ADGRD1: variants seen among roughly 807,000 people sequenced by gnomAD.
The protein encoded by ADGRD1 is adhesion G protein-coupled receptor D1, also known as G-protein coupled receptor 133.
Under a neutral mutation model 113.4 loss-of-function variants are expected in ADGRD1, and 77 were observed. The ratio of observed to expected loss-of-function variants is 0.68; its 90% confidence interval spans 0.57 to 0.82. The LOEUF (loss-of-function observed/expected upper bound fraction) is 0.82. Among genes scored for constraint, ADGRD1 ranks in the 40% least tolerant of loss-of-function variants. The probability of loss-of-function intolerance (pLI) is 0.00; values close to 1 mark genes in which losing one functional copy is unlikely to be tolerated. For synonymous variants in ADGRD1, 474 were observed against 475.0 expected (o/e 1.00, Z 0.03); for missense variants, 1,036 against 1,139.1 (o/e 0.91, Z 1.30).
chr12:131,136,809 T>G (rs551049167), intron 22 of ADGRD1, among the ~76,000 whole-genome samples, 164 bp from the exon 23 acceptor site: 2 of 152,322 alleles, frequency 1.3e-5, no homozygotes, highest in African/African-American at 4.8e-5. Flanking sequence ...TGGATCATGG[T>G]GGGACCCAGG....
chr12:131,137,794 C>T, intron 23 of ADGRD1: 1 of 311,780 alleles, frequency 3.2e-6, no homozygotes, highest in South Asian at 3.1e-5. Context: ...GGCAGGAAGG[C>T]AGTGCAGCCA....
intron 8 of ADGRD1, 101 bp downstream of exon 8, chr12:130,992,493 G>A: frequency 1.9e-6 from 2 of 1,064,524 alleles, no homozygotes; most frequent in South Asian, 3.1e-5. Context: ...AAAAAAGCAG[G>A]AACTTTTACT....
At chr12:131,137,307 C>G (rs1431189082) in intron 23 of ADGRD1, among the ~76,000 whole-genome samples, 1 of 152,232 alleles carries the variant, frequency 6.6e-6, no homozygotes, top group African/African-American at 2.4e-5. Context: ...CCTCGAGGGC[C>G]TTGGGGAAGC....
At chr12:131,078,444 G>A (rs755835863) in intron 14 of ADGRD1, among the ~76,000 whole-genome samples, 1 of 152,222 alleles carries the variant, frequency 6.6e-6, no homozygotes, top group Non-Finnish European at 1.5e-5. Context: ...TCAGCAGGTT[G>A]CAGCTCTTTT....
chr12:131,058,426 G>A (rs1019958509), intron 13 of ADGRD1, among the ~76,000 whole-genome samples: 5 of 152,188 alleles, frequency 3.3e-5, no homozygotes, highest in Non-Finnish European at 5.9e-5. Context: ...AGGTACCACC[G>A]TACACATTTG....
chr12:130,976,723 A>C (rs1872358667), intron 4 of ADGRD1: 1 of 152,034 alleles, frequency 6.6e-6, no homozygotes, highest in Non-Finnish European at 1.5e-5. Context: ...TTTCTTTTAA[A>C]ATTAACATTC....
intron 13 of ADGRD1, among the ~76,000 whole-genome samples, chr12:131,049,197 C>T (rs1241510765): frequency 6.6e-6 from 1 of 152,242 alleles, no homozygotes; most frequent in African/African-American, 2.4e-5. Context: ...AGCTTCCTGC[C>T]TTATCAGGCG....
At chr12:131,115,729 C>T (rs1250540742) in intron 18 of ADGRD1, among the ~76,000 whole-genome samples, 3 of 152,144 alleles carry the variant, frequency 2.0e-5, no homozygotes, top group African/African-American at 7.2e-5. Flanking sequence ...TCCAGGTCTG[C>T]CCAGGTTACC....
chr12:131,127,658 T>G (rs28970755), intron 20 of ADGRD1, among the ~76,000 whole-genome samples: 22,413 of 106,750 alleles, frequency 0.21, 2,789 homozygotes, highest in Middle Eastern at 0.31. Flanking sequence ...GGTTGGTTGT[T>G]ATGGGACTCT....
chr12:131,034,019 G>A (rs147646914), intron 13 of ADGRD1, among the ~76,000 whole-genome samples: 5 of 152,176 alleles, frequency 3.3e-5, no homozygotes, highest in African/African-American at 1.2e-4. Context: ...CTTGCCCCTG[G>A]TTTCACTGTC....
chr12:131,101,471 T>G (rs1444300946), intron 15 of ADGRD1, among the ~76,000 whole-genome samples: 1 of 133,484 alleles, frequency 7.5e-6, no homozygotes, highest in Admixed American at 8.2e-5. Context: ...CACTGCAACC[T>G]TCACCTCCCG....
At chr12:131,088,354 T>C (rs927089116) in intron 15 of ADGRD1, among the ~76,000 whole-genome samples, 2 of 152,176 alleles carry the variant, frequency 1.3e-5, no homozygotes, top group East Asian at 3.9e-4. Context: ...AGCAAGTCAG[T>C]GCACGCCACG....
At chr12:131,082,108 A>C (rs778334334) in intron 14 of ADGRD1, among the ~76,000 whole-genome samples, 2 of 152,166 alleles carry the variant, frequency 1.3e-5, no homozygotes, top group Non-Finnish European at 2.9e-5. Context: ...TTATATTTAT[A>C]ATCATAGGAA....
chr12:131,129,398 C>T (rs1403524908), intron 20 of ADGRD1, among the ~76,000 whole-genome samples: 1 of 135,278 alleles, frequency 7.4e-6, no homozygotes, highest in Non-Finnish European at 1.6e-5. Flanking sequence ...GACAGGCCCG[C>T]CCTGCTGTCT....
rs202001044 is a variant in ADGRD1 at position 130,966,557 on chromosome 12, G to A, written c.187+11G>A. The A allele has an allele frequency of 3.2e-5, 51 of 1,570,852 alleles. No homozygotes were observed. In the East Asian group the frequency reaches 6.7e-4, roughly 21 times the overall value. ...AGGATACAACTGGAGGTAGAGACGC[G>A]GGTGCTGAGAGCGGCTGTGGGCGCG... On this transcript the variant is annotated intron_variant, in intron 3 of 24. Coordinates refer to ENST00000261654, the MANE Select transcript of ADGRD1 (RefSeq NM_198827.5). The surrounding 1 kb of genome is among the most constrained non-coding windows in gnomAD (Gnocchi z 4.6).
At chr12:131,051,641 G>A (rs1375564423) in intron 13 of ADGRD1, among the ~76,000 whole-genome samples, 6 of 151,994 alleles carry the variant, frequency 3.9e-5, no homozygotes, top group Admixed American at 2.0e-4. Flanking sequence ...CCGCCACCAC[G>A]CCAGGCGAAT....
chr12:131,014,301 G>T lies in ADGRD1; in HGVS notation c.1434G>T (p.Ser478=). ...CACCCACCCTGTCTCAGAACCTGTC[G>T]GGCTCTCCACTCATTACGGTCCACC... ...SPPPTLSQNL[S]GSPLITVHLK... Residue 478 remains serine (S), a synonymous_variant, in exon 13 of 25, where the codon TCG becomes TCT. Transcript: ENST00000261654. 1 of 1,614,018 alleles carries T rather than the reference G, an allele frequency of 6.2e-7. No homozygotes were observed. The highest frequency in any genetic ancestry group is 1.3e-5 in the African/African-American group (1 of 75,018).
rs1393489797 is a variant in ADGRD1, at chr12:130,954,311, A to G, written c.-155A>G. On this transcript the variant is annotated 5_prime_UTR_variant, in exon 1 of 25. Transcript: ENST00000261654. This position sits in a 1 kb window ranked among gnomAD's most constrained non-coding sequence, Gnocchi z 4.7. The stretch of plus-strand genomic sequence containing the variant: ...AAGAAACACCCATTAGGTCTCCAAG[A>G]CAGCTGTGTTTCACAAACTTTAAGG... 3 of 608,066 alleles carry G rather than the reference A, an allele frequency of 4.9e-6. No individual in the cohort carries two copies. Among genetic ancestry groups the G allele is most frequent in the Admixed American group, 3.2e-5 (1 of 31,558 alleles). 37.7% of individuals were successfully genotyped at this position (608,066 alleles called of 1,614,324 possible).
chr12:131,130,723 C>T (rs575984007), intron 20 of ADGRD1, among the ~76,000 whole-genome samples: 48 of 151,114 alleles, frequency 3.2e-4, no homozygotes, highest in Middle Eastern at 3.6e-3. Flanking sequence ...CCATCCCGTG[C>T]GGGGGAAGAG....
Sources: gnomAD v4.1 joint callset for allele counts (sites outside exome capture counted in the v4.1 genomes callset) on GRCh38, gnomAD v4.1.1 for gene constraint, Gnocchi (gnomAD v3.1) non-coding constraint, MANE v1.5 for transcripts, NCBI Gene and HGNC (gene_info 2026-07-23, HGNC 2026-07-21) for gene names.